Variants in TBX1 observed in about 807,000 individuals in gnomAD.
The protein encoded by TBX1 is T-box transcription factor 1.
A neutral mutation model predicts 40.8 loss-of-function variants in TBX1; 16 were observed. That is an observed-to-expected ratio of 0.39 (90% CI 0.27 to 0.60). The LOEUF (loss-of-function observed/expected upper bound fraction) is 0.60. Ranked by LOEUF, TBX1 falls within the 20% of genes least tolerant of loss-of-function variation. The pLI is 0.51. For synonymous variants in TBX1, 403 were observed against 336.8 expected, an observed-to-expected ratio of 1.20 and a Z score of -2.15; for missense variants, 755 against 728.5, an observed-to-expected ratio of 1.04 and a Z score of -0.42.
At chr22:19,774,115 G>A (rs1250939360) in intron 8 of TBX1, among the ~76,000 whole-genome samples, 1 of 152,188 alleles carries the variant, frequency 6.6e-6, no homozygotes, top group Non-Finnish European at 1.5e-5. Flanking sequence ...TGTTGGTGAG[G>A]ACATGGAGCC....
chr22:19,761,918 C>T (rs1033707152), intron 1 of TBX1, among the ~76,000 whole-genome samples: 1 of 152,212 alleles, frequency 6.6e-6, no homozygotes, highest in Non-Finnish European at 1.5e-5. Context: ...GTTTTAAAGA[C>T]CAAGAGACAA....
Position 19,760,868 on chromosome 22 carries a change from T to C in TBX1, c.25T>C (p.Trp9Arg). 1 of 1,039,730 alleles carries C rather than the reference T, an allele frequency of 9.6e-7. No homozygotes were observed. Among genetic ancestry groups the C allele is most frequent in the Non-Finnish European group, 1.2e-6 (1 of 855,826 alleles). The allele number at this position is 1,039,730 out of a possible 1,614,324, so 64.4% of individuals were successfully genotyped here. The part of the protein sequence containing the change: MISAVSSP[W>R]LTQLSHFCDV... The stretch of plus-strand genomic sequence containing the variant: ...CATGATCTCCGCCGTGTCCAGCCCG[T>C]GGCTCACGCAGCTCTCGCATTTCTG... The change falls in exon 1 of 7, where the codon TGG becomes CGG. Residue 9 changes from tryptophan to arginine, a missense_variant. Transcript: ENST00000649276.
In TBX1 at chr22:19,765,784, T is replaced by C; in HGVS notation, c.894T>C (p.Asn298=). The C allele has an allele frequency of 6.2e-7, 1 of 1,611,656 alleles. No homozygotes were observed. Among genetic ancestry groups the C allele is most frequent in the Non-Finnish European group, 8.5e-7 (1 of 1,179,214 alleles). Residue 298 remains asparagine, a synonymous_variant, in exon 5 of 7, where the codon AAT becomes AAC. Transcript: ENST00000649276. ...HRITQLKIAS[N]PFAKGFRDCD... is the part of the protein sequence containing the mutation. ...TCACGCAGCTCAAGATTGCCAGCAATCCCTTCGCGAAAGGCTTCCGGGACT... is the reference window on the plus strand; with the variant it reads ...TCACGCAGCTCAAGATTGCCAGCAACCCCTTCGCGAAAGGCTTCCGGGACT...
At chr22:19,783,006 A>G (rs1483703556), downstream of TBX1, 1 of 1,075,384 alleles carries the variant, frequency 9.3e-7, no homozygotes, top group Non-Finnish European at 1.5e-6. Context: ...AGACCACCAC[A>G]CTGCAAGGAC....
chr22:19,766,504 G>GCCGGCGGC lies in TBX1; in HGVS notation c.1152_1153insCCGGCGGC (p.Ala385ProfsTer10), dbSNP rs1569023761. ...GGGTGCTAAGCCCCTCGCTGCCCGG[G>GCCGGCGGC]GCCGGCGGCGCCGGCGGCTTAGTCC... is the stretch of plus-strand genomic sequence containing the variant. On this transcript the variant is annotated frameshift_variant, in exon 7 of 7. Transcript: ENST00000649276. LOFTEE classifies it high-confidence loss of function. The GCCGGCGGC allele has an allele frequency of 1.1e-5, 14 of 1,307,300 alleles. No homozygotes were observed. In the African/African-American group the frequency reaches 2.2e-4, roughly 20 times the overall value. 81.0% of individuals were successfully genotyped at this position (1,307,300 alleles called of 1,614,324 possible).
rs771540171 is a variant in TBX1 at position 19,766,729 on chromosome 22, G to T, written c.1377G>T (p.Ala459=). The T allele has an allele frequency of 6.5e-7, 1 of 1,539,980 alleles. No homozygotes were observed. Among genetic ancestry groups the T allele is most frequent in the South Asian group, 1.2e-5 (1 of 85,190 alleles). Residue 459 remains alanine (A), a synonymous_variant, in exon 7 of 7, where the codon GCG becomes GCT. Coordinates refer to ENST00000649276, the MANE Select transcript of TBX1 (RefSeq NM_001379200.1). ...GLRGHGYHPH[A]HPHHHHHPVS... is the part of the protein sequence containing the mutation. ...GTGGCCACGGCTACCACCCGCACGCGCATCCGCACCACCACCACCACCCCG... is the reference window on the plus strand; with the variant it reads ...GTGGCCACGGCTACCACCCGCACGCTCATCCGCACCACCACCACCACCCCG...
rs1198103841 is a variant in TBX1 at position 19,761,777 on chromosome 22, G to T, written c.437+497G>T. Among the ~76,000 whole-genome samples, 8 of 152,262 alleles carry T rather than the reference G, an allele frequency of 5.3e-5. No homozygotes were observed. The East Asian group carries it at 9.6e-4, about 18-fold the overall frequency. ...CAACTCTCTGGACACTTTCAGGAGA[G>T]GATTACCCTTAAAAACAGCGTGCAC... On this transcript the variant is annotated intron_variant, in intron 1 of 6. Transcript: ENST00000649276.
chr22:19,765,559 G>C (rs1052415061), intron 4 of TBX1, among the ~76,000 whole-genome samples, 199 bp from the exon 5 acceptor site: 7 of 152,112 alleles, frequency 4.6e-5, no homozygotes, highest in Non-Finnish European at 7.4e-5. Flanking sequence ...CCTAGTGAGA[G>C]AGGAGGTTCC....
intron 8 of TBX1, chr22:19,779,184 C>T: frequency 6.2e-7 from 1 of 1,612,720 alleles, no homozygotes; most frequent in Non-Finnish European, 8.5e-7. Context: ...TGACATGGTA[C>T]TTCATCCACT....
At chr22:19,769,008 C>T (rs907463798), downstream of TBX1, among the ~76,000 whole-genome samples, 7 of 143,086 alleles carry the variant, frequency 4.9e-5, no homozygotes, top group African/African-American at 1.3e-4. Flanking sequence ...TCGCCCAGGC[C>T]GGAATGCCGT....
At chr22:19,776,435 A>G (rs1297919718) in intron 8 of TBX1, among the ~76,000 whole-genome samples, 1 of 152,200 alleles carries the variant, frequency 6.6e-6, no homozygotes, top group Non-Finnish European at 1.5e-5. Context: ...AGAAGAGCTC[A>G]TGTTCCAGCA....
At chr22:19,773,148 T>G (rs1450498917) in intron 8 of TBX1, among the ~76,000 whole-genome samples, 1 of 152,174 alleles carries the variant, frequency 6.6e-6, no homozygotes, top group Non-Finnish European at 1.5e-5. Flanking sequence ...TCCATGCAAA[T>G]AATCACCCTT....
At chr22:19,763,215 G>T in intron 1 of TBX1, 26 bp from the exon 2 acceptor site, 4 of 1,605,402 alleles carry the variant, frequency 2.5e-6, no homozygotes, top group Non-Finnish European at 3.4e-6. Flanking sequence ...ACCAGCTAGG[G>T]TGACCCAAGG....
Position 19,766,546 on chromosome 22 carries a change from C to G in TBX1, c.1194C>G (p.Pro398=), listed in dbSNP as rs1341782849. The change falls in exon 7 of 7, where the codon CCC becomes CCG. Residue 398 remains proline, a synonymous_variant. Transcript: ENST00000649276. ...AGGLVPLPGA[P]GGRPSPPNPE... ...GCTTAGTCCCGCTGCCCGGCGCGCC[C>G]GGAGGCCGGCCCAGTCCCCCGAACC... 2 of 1,359,048 alleles carry G rather than the reference C, an allele frequency of 1.5e-6. No homozygotes were observed. Among genetic ancestry groups the G allele is most frequent in the East Asian group, 6.4e-5 (2 of 31,412 alleles). The allele number at this position is 1,359,048 out of a possible 1,614,324, so 84.2% of individuals were successfully genotyped here. A position where few individuals can be genotyped will look rare whatever the true frequency, so the allele number is the denominator to read the frequency against.
chr22:19,764,070 GGCACTTTTAGGGTTC>G, intron 2 of TBX1, 70 bp from the exon 3 acceptor site: 1 of 1,503,892 alleles, frequency 6.6e-7, no homozygotes, highest in Non-Finnish European at 9.1e-7. Flanking sequence ...ACTTCTCAAA[GGCACTTTTAGGGTTC>G]GCCCAGCACA....
At chr22:19,760,695 C>A (rs1244134974), upstream of TBX1, among the ~76,000 whole-genome samples, 1 of 2,880 alleles carries the variant, frequency 3.5e-4, no homozygotes, top group Non-Finnish European at 6.6e-4. Context: ...GGGCCCCGGG[C>A]GGGGCGGGGC....
upstream of TBX1, chr22:19,759,380 A>T (rs737867): frequency 0.64 from 403,345 of 627,472 alleles, 131,250 homozygotes; most frequent in South Asian, 0.7. Flanking sequence ...GGCCCCTGGC[A>T]GTGAGTGGCA....
chr22:19,775,701 C>G (rs1353678871), intron 8 of TBX1, among the ~76,000 whole-genome samples: 2 of 152,218 alleles, frequency 1.3e-5, no homozygotes, highest in African/African-American at 4.8e-5. Flanking sequence ...TGGCCGCACC[C>G]TGTCTGAAGG....
chr22:19,759,403 G>GC, upstream of TBX1: 1 of 854,232 alleles, frequency 1.2e-6, no homozygotes, highest in Non-Finnish European at 1.4e-6. Flanking sequence ...ACAGGCCCCC[G>GC]CCCCCGGACT....
Sources: allele counts gnomAD v4.1 joint callset (sites outside exome capture counted in the v4.1 genomes callset), GRCh38; gene constraint gnomAD v4.1.1; transcripts MANE v1.5; gene names NCBI Gene and HGNC (gene_info 2026-07-23, HGNC 2026-07-21).